Variants in PHYHIPL observed in about 807,000 individuals in gnomAD.
The protein encoded by PHYHIPL is phytanoyl-CoA hydroxylase-interacting protein-like.
Under a neutral mutation model 33.4 loss-of-function variants are expected in PHYHIPL, and 9 were observed. That is an observed-to-expected ratio of 0.27 (90% CI 0.16 to 0.47). The LOEUF (loss-of-function observed/expected upper bound fraction) is 0.47, where lower values mean the gene tolerates loss of function less well. Among genes scored for constraint, PHYHIPL ranks in the 20% least tolerant of loss-of-function variants. The pLI is 0.99. For missense variants in PHYHIPL, 365 were observed against 460.7 expected, an observed-to-expected ratio of 0.79 and a Z score of 1.90; for synonymous variants, 153 against 154.1, an observed-to-expected ratio of 0.99 and a Z score of 0.05.
intron 1 of PHYHIPL, among the ~76,000 whole-genome samples, chr10:59,220,422 T>A (rs908626052): frequency 4.6e-5 from 7 of 152,088 alleles, no homozygotes; most frequent in Admixed American, 1.3e-4. Flanking sequence ...TGGTGTCTCA[T>A]TTTGTCTTCT....
intron 1 of PHYHIPL, among the ~76,000 whole-genome samples, chr10:59,211,105 A>G (rs948901856): frequency 6.6e-6 from 1 of 152,086 alleles, no homozygotes; most frequent in Non-Finnish European, 1.5e-5. Context: ...ATGGTGGCTC[A>G]TGCCTGCCTG....
At chr10:59,185,981 T>G (rs575370228) in intron 1 of PHYHIPL, among the ~76,000 whole-genome samples, 2 of 152,344 alleles carry the variant, frequency 1.3e-5, no homozygotes, top group Non-Finnish European at 2.9e-5. Flanking sequence ...TAGATACTAT[T>G]TGTCAATTTT....
chr10:59,236,667 C>G lies in PHYHIPL; in HGVS notation c.478+10C>G. On this transcript the variant is annotated intron_variant, in intron 3 of 4. Transcript: ENST00000373880. ...GAATTCTGCACCGCAGGTAAGAGAACTAGGTACAAATATAGAAAAGCTTTA... is the reference window on the plus strand; with the variant it reads ...GAATTCTGCACCGCAGGTAAGAGAAGTAGGTACAAATATAGAAAAGCTTTA... The G allele has an allele frequency of 6.3e-7, 1 of 1,578,218 alleles. No individual in the cohort carries two copies. Among genetic ancestry groups the G allele is most frequent in the South Asian group, 1.2e-5 (1 of 84,574 alleles).
At chr10:59,225,375 G>T (rs1007740084) in intron 1 of PHYHIPL, among the ~76,000 whole-genome samples, 1 of 151,670 alleles carries the variant, frequency 6.6e-6, no homozygotes, top group African/African-American at 2.4e-5. Flanking sequence ...GTGAAGGATG[G>T]ACAGCTAGCA....
chr10:59,176,022 G>A (rs573895194), upstream of PHYHIPL, among the ~76,000 whole-genome samples: 1 of 152,140 alleles, frequency 6.6e-6, no homozygotes, highest in Admixed American at 6.5e-5. Context: ...CGTTTGCCCC[G>A]CTTCAGTGTC....
chr10:59,187,361 T>A (rs2133192188), intron 1 of PHYHIPL, among the ~76,000 whole-genome samples: 1 of 152,312 alleles, frequency 6.6e-6, no homozygotes, highest in Non-Finnish European at 1.5e-5. Flanking sequence ...CTGGATTCGG[T>A]TTGCCAGTAT....
chr10:59,207,824 G>A (rs1365292978), intron 1 of PHYHIPL, among the ~76,000 whole-genome samples: 3 of 151,598 alleles, frequency 2.0e-5, no homozygotes, highest in Admixed American at 6.6e-5. Context: ...TCTGGGAGGC[G>A]GAGCTTGCAG....
At chr10:59,233,292 A>C (rs1840131334) in intron 1 of PHYHIPL, among the ~76,000 whole-genome samples, 1 of 151,850 alleles carries the variant, frequency 6.6e-6, no homozygotes, top group South Asian at 2.1e-4. Context: ...AGGAGAAAAC[A>C]ATCTAATCTG....
At chr10:59,213,377 C>A (rs1323826819) in intron 1 of PHYHIPL, among the ~76,000 whole-genome samples, 2 of 152,100 alleles carry the variant, frequency 1.3e-5, no homozygotes, top group East Asian at 1.9e-4. Context: ...CTTTTCCTAA[C>A]CAAATCATTC....
chr10:59,178,883 G>C (rs1838324732), intron 1 of PHYHIPL, among the ~76,000 whole-genome samples: 1 of 151,982 alleles, frequency 6.6e-6, no homozygotes, highest in South Asian at 2.1e-4. Context: ...ATTTAATTTT[G>C]GGGAGGGTGC....
chr10:59,207,990 C>G (rs183222339), intron 1 of PHYHIPL, among the ~76,000 whole-genome samples: 49 of 152,100 alleles, frequency 3.2e-4, no homozygotes, highest in African/African-American at 1.0e-3. Flanking sequence ...CGGCTGTCGG[C>G]GCAGCTTTGA....
chr10:59,209,418 T>C (rs572008363), intron 1 of PHYHIPL, among the ~76,000 whole-genome samples: 1 of 152,244 alleles, frequency 6.6e-6, no homozygotes, highest in Admixed American at 6.5e-5. Context: ...TACAAAAGCT[T>C]CTGAAGGAAG....
At chr10:59,178,815 AT>A (rs1253942331) in intron 1 of PHYHIPL, among the ~76,000 whole-genome samples, 1 of 152,090 alleles carries the variant, frequency 6.6e-6, no homozygotes, top group Non-Finnish European at 1.5e-5. Context: ...TTCTGGTATT[AT>A]TTTTTAGTTG....
Position 59,232,917 on chromosome 10 carries a change from G to C in PHYHIPL, c.107-1387G>C, listed in dbSNP as rs192933108. Among the ~76,000 whole-genome samples the C allele has an allele frequency of 1.1e-4, 17 of 151,934 alleles. No individual in the cohort carries two copies. In the East Asian group the frequency reaches 3.3e-3, roughly 29 times the overall value. ...TTTCCTTTTCCCAAGGCCATTATAAGGATTTCACTTGATTTCTTCCCTGTT... is the reference window on the plus strand; with the variant it reads ...TTTCCTTTTCCCAAGGCCATTATAACGATTTCACTTGATTTCTTCCCTGTT... On this transcript the variant is annotated intron_variant, in intron 1 of 4. Transcript: ENST00000373880.
intron 4 of PHYHIPL, among the ~76,000 whole-genome samples, chr10:59,243,182 A>C (rs2133304193): frequency 6.6e-6 from 1 of 152,306 alleles, no homozygotes; most frequent in African/African-American, 2.4e-5. Context: ...TGTATAAGGA[A>C]AAATAAAACA....
At position 59,204,654 on chromosome 10, in the gene PHYHIPL, T is replaced by C. The variant is rs1839234855; in HGVS notation, c.106+27695T>C. Among the ~76,000 whole-genome samples the C allele has an allele frequency of 7.2e-5, 11 of 152,296 alleles. No homozygotes were observed. The South Asian group carries it at 2.3e-3, about 32-fold the overall frequency. ...TTATTTTAAGTGTGACCTTTTAACA[T>C]TGGCTGTAATCTGAGATTTTTTTTT... is the stretch of plus-strand genomic sequence containing the variant. On this transcript the variant is annotated intron_variant, in intron 1 of 4. Coordinates refer to ENST00000373880, the MANE Select transcript of PHYHIPL (RefSeq NM_032439.4).
intron 1 of PHYHIPL, among the ~76,000 whole-genome samples, chr10:59,201,805 C>A (rs142923809): frequency 5.6e-4 from 85 of 152,160 alleles, no homozygotes; most frequent in African/African-American, 1.9e-3. Flanking sequence ...ACAGGTGAAT[C>A]TGGGCCTTGA....
At chr10:59,206,368 C>T (rs1473523193) in intron 1 of PHYHIPL, among the ~76,000 whole-genome samples, 1 of 152,216 alleles carries the variant, frequency 6.6e-6, no homozygotes, top group Non-Finnish European at 1.5e-5. Context: ...TGTGAGGTCT[C>T]TATCTGTCTT....
At chr10:59,244,581 A>AAAAAAAAAAAAAAAAAAAAC (rs1564462118) in intron 4 of PHYHIPL, among the ~76,000 whole-genome samples, 1 of 148,756 alleles carries the variant, frequency 6.7e-6, no homozygotes, top group Non-Finnish European at 1.5e-5. Context: ...AAAAAAAAAA[A>AAAAAAAAAAAAAAAAAAAAC]AAAAAGCCAA....
Sources: gnomAD v4.1 joint callset for allele counts (sites outside exome capture counted in the v4.1 genomes callset) on GRCh38, gnomAD v4.1.1 for gene constraint, MANE v1.5 for transcripts, NCBI Gene and HGNC (gene_info 2026-07-23, HGNC 2026-07-21) for gene names.